Variants in CLPTM1L observed in about 807,000 individuals in gnomAD.
The protein encoded by CLPTM1L is CLPTM1 like.
Under a neutral mutation model 70.9 loss-of-function variants are expected in CLPTM1L, and 38 were observed. The ratio of observed to expected loss-of-function variants is 0.54; its 90% CI spans 0.41 to 0.70. The LOEUF is 0.70. CLPTM1L is among the 30% of genes least tolerant of loss of function. The pLI, the probability that CLPTM1L is intolerant of heterozygous loss-of-function variation, is 0.00. For synonymous variants in CLPTM1L, 339 were observed against 299.9 expected, an observed-to-expected ratio of 1.13 and a Z score of -1.35; for missense variants, 652 against 705.9, an observed-to-expected ratio of 0.92 and a Z score of 0.87.
chr5:1,326,296 A>T, intron 9 of CLPTM1L: 1 of 255,168 alleles, frequency 3.9e-6, no homozygotes, highest in Admixed American at 5.3e-5. Context: ...CTCCAGCGTC[A>T]TTTCATCCAG....
At position 1,341,865 on chromosome 5, in the gene CLPTM1L, A is replaced by G. The variant is rs1753956465; in HGVS notation, c.264-5T>C. 1.9e-6 allele frequency: 3 copies of G among 1,606,118 alleles called. No homozygotes were observed. The highest frequency in any genetic ancestry group is 2.6e-6 in the Non-Finnish European group (3 of 1,173,534). ...GGTACAGAAACATTAACTGTCCTGA[A>G]ACAGAACAATCATTTCCACTACATA... On this transcript the variant is annotated splice_polypyrimidine_tract_variant and splice_region_variant and intron_variant, in intron 2 of 16. Transcript: ENST00000320895.
rs1754182121 is a variant in CLPTM1L at position 1,344,917 on chromosome 5, C to T, written c.-76G>A. The T allele has an allele frequency of 1.2e-6, 1 of 862,498 alleles. No homozygotes were observed. Among genetic ancestry groups the T allele is most frequent in the Non-Finnish European group, 1.4e-6 (1 of 722,728 alleles). 53.4% of individuals were successfully genotyped at this position (862,498 alleles called of 1,614,324 possible). On this transcript the variant is annotated 5_prime_UTR_variant, in exon 1 of 17. Transcript: ENST00000320895. ...CCCGCCCGCCCGGCGCCCAGCCCGCCGCTCCGGGCTCCGCCGCTCACTGGA... is the reference window on the plus strand; with the variant it reads ...CCCGCCCGCCCGGCGCCCAGCCCGCTGCTCCGGGCTCCGCCGCTCACTGGA...
intron 15 of CLPTM1L, 139 bp downstream of exon 15, chr5:1,321,496 C>T: frequency 1.3e-6 from 1 of 758,474 alleles, no homozygotes; most frequent in South Asian, 1.6e-5. Context: ...AAAGGAGCCT[C>T]CTCAATATTC....
At chr5:1,332,069 A>G in intron 7 of CLPTM1L, 186 bp from the exon 8 acceptor site, 1 of 604,498 alleles carries the variant, frequency 1.7e-6, no homozygotes, top group Non-Finnish European at 3.0e-6. Context: ...CAGAACCTAG[A>G]GTGCCCAGGC....
At chr5:1,340,562 A>G (rs1457599194) in intron 3 of CLPTM1L, among the ~76,000 whole-genome samples, 8 of 151,922 alleles carry the variant, frequency 5.3e-5, no homozygotes, top group Non-Finnish European at 1.2e-4. Context: ...CCATCACCCC[A>G]CCCACTTTTC....
intron 5 of CLPTM1L, among the ~76,000 whole-genome samples, chr5:1,336,947 C>G (rs1389799499): frequency 5.9e-5 from 9 of 152,134 alleles, no homozygotes; most frequent in Non-Finnish European, 8.8e-5. Flanking sequence ...CCAGCTGCAC[C>G]CCCCCGCTAG....
chr5:1,322,932 G>T (rs1383242052), intron 12 of CLPTM1L, 21 bp from the exon 13 acceptor site: 3 of 1,610,406 alleles, frequency 1.9e-6, no homozygotes, highest in Non-Finnish European at 1.7e-6. Flanking sequence ...AAAAAAAGGA[G>T]AAGTCCTATT....
Sources: gnomAD v4.1 joint callset for allele counts (sites outside exome capture counted in the v4.1 genomes callset) on GRCh38, gnomAD v4.1.1 for gene constraint, MANE v1.5 for transcripts, NCBI Gene and HGNC (gene_info 2026-07-23, HGNC 2026-07-21) for gene names.